WDR64: variants seen among roughly 807,000 people sequenced by gnomAD.
WDR64 encodes the protein WD repeat domain 64, also known as WD repeat-containing protein 64.
A neutral mutation model predicts 139.3 loss-of-function variants in WDR64; 112 were observed. That is an observed-to-expected ratio of 0.80 (90% confidence interval 0.69 to 0.94). The LOEUF (loss-of-function observed/expected upper bound fraction) is 0.94, where lower values mean the gene tolerates loss of function less well. WDR64 is among the 40% of genes least tolerant of loss of function. WDR64 has a pLI of 0.00. For missense variants in WDR64, 1,206 were observed against 1,293.1 expected (o/e 0.93, Z 1.03); for synonymous variants, 444 against 437.7 (o/e 1.01, Z -0.18).
At chr1:241,657,898 A>G (rs6429285) in intron 1 of WDR64, among the ~76,000 whole-genome samples, 148,203 of 152,322 alleles carry the variant, frequency 0.97, 72,150 homozygotes, top group Non-Finnish European at 0.99. Context: ...CATTTCTAGC[A>G]TCCCAGAAAG....
chr1:241,741,707 A>G (rs1669551158), intron 12 of WDR64, 43 bp downstream of exon 12: 1 of 1,522,376 alleles, frequency 6.6e-7, no homozygotes, highest in Admixed American at 2.2e-5. Flanking sequence ...AAGGCAATGC[A>G]GATATAATTT....
intron 1 of WDR64, among the ~76,000 whole-genome samples, chr1:241,658,838 A>T (rs1466955301): frequency 6.6e-6 from 1 of 152,062 alleles, no homozygotes. Context: ...CCACAGTAAA[A>T]TATTTTCTTC....
chr1:241,792,046 CAAAAGAACCTTTCTA>C (rs1659228474), intron 25 of WDR64, among the ~76,000 whole-genome samples: 1 of 152,036 alleles, frequency 6.6e-6, no homozygotes, highest in Admixed American at 6.6e-5. Flanking sequence ...CAAAATAAAC[CAAAAGAACCTTTCTA>C]AATGTATCTC....
chr1:241,776,543 T>C (rs1280750805), intron 21 of WDR64, among the ~76,000 whole-genome samples: 1 of 152,184 alleles, frequency 6.6e-6, no homozygotes, highest in South Asian at 2.1e-4. Context: ...TTGGGTTTTG[T>C]TTGTTTTTTG....
At chr1:241,709,633 G>A (rs2148168556) in intron 8 of WDR64, among the ~76,000 whole-genome samples, 1 of 152,222 alleles carries the variant, frequency 6.6e-6, no homozygotes, top group South Asian at 2.1e-4. Flanking sequence ...AAGAAAGAAA[G>A]TTAGGCTTTG....
chr1:241,703,958 C>T lies in WDR64; in HGVS notation c.975-7844C>T, dbSNP rs192176844. Among the ~76,000 whole-genome samples the T allele has an allele frequency of 4.2e-4, 64 of 152,294 alleles. No homozygotes were observed. The highest frequency in any genetic ancestry group is 1.4e-3 in the African/African-American group (58 of 41,556). ...CACAAGAACAACACGGGAGAAGCCG[C>T]CCCCATGAACCAATCACCTCCCACT... On this transcript the variant is annotated intron_variant, in intron 8 of 27. Coordinates refer to ENST00000437684, the MANE Select transcript of WDR64 (RefSeq NM_001367482.1). This position sits in a 1 kb window ranked among gnomAD's most constrained non-coding sequence, Gnocchi z 5.9.
intron 9 of WDR64, among the ~76,000 whole-genome samples, chr1:241,713,143 C>CAAA (rs57422282): frequency 2.2e-4 from 30 of 137,100 alleles, no homozygotes; most frequent in African/African-American, 7.9e-4. Flanking sequence ...CTTGTCTCTA[C>CAAA]AAAAAAAAAA....
intron 1 of WDR64, among the ~76,000 whole-genome samples, chr1:241,660,216 T>C (rs1259612971): frequency 2.6e-5 from 4 of 152,180 alleles, no homozygotes; most frequent in African/African-American, 4.8e-5. Context: ...GAAAATCAGA[T>C]CGTTGTAGGT....
intron 10 of WDR64, among the ~76,000 whole-genome samples, chr1:241,730,529 A>G: frequency 6.6e-6 from 1 of 152,184 alleles, no homozygotes; most frequent in East Asian, 1.9e-4. Context: ...ACACACACAT[A>G]CACATATTCA....
intron 1 of WDR64, 115 bp downstream of exon 1, chr1:241,652,744 G>A: frequency 8.0e-7 from 1 of 1,256,254 alleles, no homozygotes; most frequent in Non-Finnish European, 1.1e-6. Flanking sequence ...GGTGCTGAAA[G>A]GGGATGAAGA....
At chr1:241,771,945 C>CACAT (rs1658462733) in intron 19 of WDR64, among the ~76,000 whole-genome samples, 1 of 62,418 alleles carries the variant, frequency 1.6e-5, no homozygotes, top group Non-Finnish European at 2.7e-5. Flanking sequence ...TACATACATA[C>CACAT]ATATATATAT....
chr1:241,756,138 T>C (rs1295408724), intron 14 of WDR64, among the ~76,000 whole-genome samples: 3 of 152,240 alleles, frequency 2.0e-5, no homozygotes, highest in Non-Finnish European at 4.4e-5. Context: ...ATTGAATCTA[T>C]AAATTATTTT....
At chr1:241,759,339 G>A (rs974407564) in intron 15 of WDR64, among the ~76,000 whole-genome samples, 7 of 152,046 alleles carry the variant, frequency 4.6e-5, no homozygotes, top group African/African-American at 1.7e-4. Flanking sequence ...AGTTAAGTTT[G>A]CTTCATTTTT....
intron 5 of WDR64, 39 bp from the exon 6 acceptor site, chr1:241,679,446 A>T (rs1209333674): frequency 1.3e-6 from 2 of 1,519,630 alleles, no homozygotes; most frequent in African/African-American, 2.8e-5. Context: ...TCATTGAAGG[A>T]AATGCATTAT....
chr1:241,679,220 C>T (rs183751489), intron 5 of WDR64, among the ~76,000 whole-genome samples: 1 of 152,274 alleles, frequency 6.6e-6, no homozygotes, highest in East Asian at 1.9e-4. Context: ...AGATGCTCCA[C>T]CAACTGCTGT....
intron 1 of WDR64, among the ~76,000 whole-genome samples, chr1:241,653,538 C>G (rs370573962): frequency 3.7e-5 from 4 of 107,898 alleles, no homozygotes; most frequent in Non-Finnish European, 8.5e-5. Flanking sequence ...CTTTTCTTTT[C>G]TTTTCTTTTT....
chr1:241,735,533 C>CTCCCTTTTTTT (rs1553373537), intron 10 of WDR64, among the ~76,000 whole-genome samples: 6 of 103,512 alleles, frequency 5.8e-5, no homozygotes, highest in African/African-American at 2.3e-4. Context: ...CTCTCTCTCT[C>CTCCCTTTTTTT]TTTTTTTTTT....
intron 4 of WDR64, 24 bp downstream of exon 4, chr1:241,674,771 C>A: frequency 7.3e-7 from 1 of 1,365,576 alleles, no homozygotes; most frequent in South Asian, 1.3e-5. Context: ...CTTTTTTTAA[C>A]TGAATGACTC....
At chr1:241,788,716 C>T (rs941922158) in intron 24 of WDR64, among the ~76,000 whole-genome samples, 1 of 152,168 alleles carries the variant, frequency 6.6e-6, no homozygotes, top group African/African-American at 2.4e-5. Flanking sequence ...AGAAGCCACA[C>T]AGGATTTGGA....
Sources: allele counts gnomAD v4.1 joint callset (sites outside exome capture counted in the v4.1 genomes callset), GRCh38; gene constraint gnomAD v4.1.1; non-coding constraint Gnocchi (gnomAD v3.1); transcripts MANE v1.5; gene names NCBI Gene and HGNC (gene_info 2026-07-23, HGNC 2026-07-21).